Variants in PCDHGA7 observed in about 807,000 individuals in gnomAD.
PCDHGA7 encodes protocadherin gamma-A7.
Under a neutral mutation model 58.3 loss-of-function variants are expected in PCDHGA7, and 44 were observed. The ratio of observed to expected loss-of-function variants is 0.75; its 90% CI spans 0.59 to 0.97. The LOEUF is 0.97. Among genes scored for constraint, PCDHGA7 ranks in the 50% least tolerant of loss-of-function variants. PCDHGA7 has a pLI of 0.00. For missense variants in PCDHGA7, 1,266 were observed against 1,188.7 expected (o/e 1.06, Z -0.96); for synonymous variants, 516 against 504.2 (o/e 1.02, Z -0.31).
At chr5:141,401,098 C>T (rs1589430206) in intron 1 of PCDHGA7, among the ~76,000 whole-genome samples, 1 of 152,110 alleles carries the variant, frequency 6.6e-6, no homozygotes, top group East Asian at 1.9e-4. Context: ...AATCCCAGCA[C>T]TTTGGGAGGC....
intron 1 of PCDHGA7, chr5:141,418,422 G>T: frequency 6.2e-7 from 1 of 1,613,996 alleles, no homozygotes; most frequent in Non-Finnish European, 8.5e-7. Context: ...AATCCTGATG[G>T]TGGCAAATAT....
chr5:141,438,635 TACACAC>T (rs56854727), intron 1 of PCDHGA7, among the ~76,000 whole-genome samples: 557 of 33,182 alleles, frequency 0.017, 8 homozygotes, highest in South Asian at 0.028. Flanking sequence ...TATATATATA[TACACAC>T]ACACACACAC....
chr5:141,408,869 AG>A, intron 1 of PCDHGA7: 1 of 1,613,690 alleles, frequency 6.2e-7, no homozygotes, highest in Non-Finnish European at 8.5e-7. Context: ...CCCACCAAGA[AG>A]TGCCACCGCT....
In PCDHGA7 at chr5:141,476,467, G is replaced by A. The variant is rs375302797; in HGVS notation, c.2425-18340G>A. On this transcript the variant is annotated intron_variant, in intron 1 of 3. Transcript: ENST00000518325. This position sits in a 1 kb window ranked among gnomAD's most constrained non-coding sequence, Gnocchi z 7.6. Reference sequence around the variant, plus strand: ...AGTTGGTAGTGGAGAACCCGCTGGAGCTGTTCAGCGTGGAAGTGGTGATCC... The same window carrying A: ...AGTTGGTAGTGGAGAACCCGCTGGAACTGTTCAGCGTGGAAGTGGTGATCC... The A allele has an allele frequency of 2.3e-5, 37 of 1,614,142 alleles. No individual in the cohort carries two copies. The African/African-American group carries it at 4.5e-4, about 20-fold the overall frequency.
chr5:141,510,894 A>G, intron 3 of PCDHGA7, 53 bp from the exon 4 acceptor site: 2 of 1,612,850 alleles, frequency 1.2e-6, no homozygotes, highest in Non-Finnish European at 8.5e-7. Flanking sequence ...TAAGACAGTG[A>G]CTGTTGAGGA....
chr5:141,501,290 T>TACACACAC (rs55762287), intron 2 of PCDHGA7, among the ~76,000 whole-genome samples: 94 of 136,244 alleles, frequency 6.9e-4, no homozygotes, highest in Admixed American at 2.2e-3. Context: ...TATTCCCTTA[T>TACACACAC]ACACACACAC....
intron 1 of PCDHGA7, chr5:141,427,774 G>C: frequency 7.0e-7 from 1 of 1,420,908 alleles, no homozygotes; most frequent in Non-Finnish European, 9.8e-7. Context: ...TTGGAGCTGC[G>C]GGCACTGTCG....
chr5:141,439,171 C>T (rs948650584), intron 1 of PCDHGA7, among the ~76,000 whole-genome samples: 3 of 146,478 alleles, frequency 2.0e-5, no homozygotes, highest in Non-Finnish European at 3.0e-5. Context: ...CCAGCCTGGG[C>T]GACATAGTGA....
intron 1 of PCDHGA7, chr5:141,388,882 T>C (rs1038312572): frequency 6.2e-7 from 1 of 1,613,800 alleles, no homozygotes; most frequent in Non-Finnish European, 8.5e-7. Context: ...ACAGTGGAGG[T>C]AGAAGTCATA....
Position 141,489,400 on chromosome 5 carries a change from T to A in PCDHGA7, c.2425-5407T>A. 6.2e-7 allele frequency: 1 copy of A among 1,614,134 alleles called. No individual in the cohort carries two copies. Among genetic ancestry groups the A allele is most frequent in the Non-Finnish European group, 8.5e-7 (1 of 1,180,020 alleles). On this transcript the variant is annotated intron_variant, in intron 1 of 3. Transcript: ENST00000518325. This position sits in a 1 kb window ranked among gnomAD's most constrained non-coding sequence, Gnocchi z 4.5. ...GGGGAATGTTGCTCAGGATCTGGGC[T>A]TAAAGATGACAGATCTGTTGAGCCG...
intron 1 of PCDHGA7, chr5:141,433,165 C>T: frequency 2.5e-6 from 4 of 1,613,470 alleles, no homozygotes; most frequent in Non-Finnish European, 2.5e-6. Context: ...TTTCTAAAGA[C>T]AGTCATGGGT....
chr5:141,489,238 G>A lies in PCDHGA7; in HGVS notation c.2425-5569G>A. On this transcript the variant is annotated intron_variant, in intron 1 of 3. Coordinates refer to ENST00000518325, the MANE Select transcript of PCDHGA7 (RefSeq NM_018920.4). The surrounding 1 kb of genome is among the most constrained non-coding windows in gnomAD (Gnocchi z 4.5). ...TTACTCTCCACAAAGGGACTTCTGG[G>A]TCATGGGGCCCAAGACACTCCCACA... 6.5e-7 allele frequency: 1 copy of A among 1,534,146 alleles called. No homozygotes were observed.
At chr5:141,500,452 G>C (rs554196222) in intron 2 of PCDHGA7, among the ~76,000 whole-genome samples, 1 of 151,506 alleles carries the variant, frequency 6.6e-6, no homozygotes, top group South Asian at 2.1e-4. Context: ...CTCGTGATCC[G>C]CCCGCCTCGG....
At chr5:141,448,802 A>G (rs897172074) in intron 1 of PCDHGA7, among the ~76,000 whole-genome samples, 14 of 152,044 alleles carry the variant, frequency 9.2e-5, no homozygotes, top group Non-Finnish European at 1.8e-4. Flanking sequence ...AAAATTAGCC[A>G]GGCGTGATGG....
chr5:141,486,140 C>T lies in PCDHGA7; in HGVS notation c.2425-8667C>T, dbSNP rs759476505. On this transcript the variant is annotated intron_variant, in intron 1 of 3. Coordinates refer to ENST00000518325, the MANE Select transcript of PCDHGA7 (RefSeq NM_018920.4). The surrounding 1 kb of genome is among the most constrained non-coding windows in gnomAD (Gnocchi z 5.0). ...TTACTATGAATTTGATGTGCGGGCT[C>T]GCGATGGGGGTTCTCCAGCCATGGA... 1 of 1,614,164 alleles carries T rather than the reference C, an allele frequency of 6.2e-7. No individual in the cohort carries two copies. The highest frequency in any genetic ancestry group is 1.3e-5 in the African/African-American group (1 of 75,030).
In PCDHGA7 at chr5:141,487,774, C is replaced by T. The variant is rs1272776899; in HGVS notation, c.2425-7033C>T. 2.0e-6 allele frequency: 3 copies of T among 1,534,064 alleles called. 1 individual carries two copies. The highest frequency in any genetic ancestry group is 2.6e-6 in the Non-Finnish European group (3 of 1,135,588). On this transcript the variant is annotated intron_variant, in intron 1 of 3. Transcript: ENST00000518325. The surrounding 1 kb of genome is among the most constrained non-coding windows in gnomAD (Gnocchi z 5.0). Reference sequence around the variant, plus strand: ...ATGTGGTAGACGCTGTGCTTTGTAACTGTTTCGTGAATTAACCAGAGTTGT... The same window carrying T: ...ATGTGGTAGACGCTGTGCTTTGTAATTGTTTCGTGAATTAACCAGAGTTGT...
chr5:141,505,891 G>A (rs541853565), intron 3 of PCDHGA7, among the ~76,000 whole-genome samples: 9 of 152,288 alleles, frequency 5.9e-5, no homozygotes, highest in Admixed American at 5.9e-4. Context: ...GATTAAATGA[G>A]ATGATACCAC....
intron 1 of PCDHGA7, chr5:141,405,012 C>T (rs748403581): frequency 1.2e-6 from 2 of 1,614,018 alleles, no homozygotes; most frequent in Non-Finnish European, 8.5e-7. Context: ...CTGGAGGCCT[C>T]AGACCTTACC....
At chr5:141,445,300 TCA>T (rs1443961962) in intron 1 of PCDHGA7, among the ~76,000 whole-genome samples, 1 of 152,202 alleles carries the variant, frequency 6.6e-6, no homozygotes, top group Non-Finnish European at 1.5e-5. Flanking sequence ...TCCATTCTCT[TCA>T]GTTTGTAGGT....
Sources: allele counts gnomAD v4.1 joint callset (sites outside exome capture counted in the v4.1 genomes callset), GRCh38; gene constraint gnomAD v4.1.1; non-coding constraint Gnocchi (gnomAD v3.1); transcripts MANE v1.5; gene names NCBI Gene and HGNC (gene_info 2026-07-23, HGNC 2026-07-21).